The following NTRK3 variants were observed in gnomAD, a reference collection of about 807,000 sequenced individuals.
NTRK3 encodes the protein neurotrophic receptor tyrosine kinase 3, also known as NT-3 growth factor receptor.
In NTRK3, 24 loss-of-function variants were observed where a neutral mutation model predicts 91.7. That is an observed-to-expected ratio of 0.26 (90% CI 0.19 to 0.37). The LOEUF (loss-of-function observed/expected upper bound fraction) is 0.37, where lower values mean the gene tolerates loss of function less well. NTRK3 is among the 10% of genes least tolerant of loss of function. NTRK3 has a pLI of 1.00. For missense variants in NTRK3, 880 were observed against 1,068.9 expected (o/e 0.82, Z 2.46); for synonymous variants, 483 against 404.0 (o/e 1.20, Z -2.34).
exon 2 of NTRK3, chr15:88,256,423 CG>C: frequency 1.8e-6 from 1 of 541,696 alleles, no homozygotes; most frequent in Non-Finnish European, 3.2e-6. Context: ...GTGGCCGGCT[CG>C]GCGATCGCTG....
At chr15:87,899,993 A>G (rs920810456) in intron 17 of NTRK3, among the ~76,000 whole-genome samples, 2 of 152,224 alleles carry the variant, frequency 1.3e-5, no homozygotes, top group Non-Finnish European at 1.5e-5. Flanking sequence ...GAGTCATGAA[A>G]AAAGACCCTT....
chr15:87,918,009 T>C (rs2067572271), intron 17 of NTRK3, among the ~76,000 whole-genome samples: 1 of 151,732 alleles, frequency 6.6e-6, no homozygotes. Flanking sequence ...TTTTTTTTTG[T>C]TTTGTATTTG....
At position 87,931,689 on chromosome 15, in the gene NTRK3, T is replaced by G. The variant is rs1485433379; in HGVS notation, c.1889+1323A>C. Among the ~76,000 whole-genome samples the G allele has an allele frequency of 4.6e-5, 7 of 152,332 alleles. No individual in the cohort carries two copies. The East Asian group carries it at 1.4e-3, about 29-fold the overall frequency. On this transcript the variant is annotated intron_variant, in intron 16 of 18. Transcript: ENST00000394480. ...TAGAAGGCTTAGAACATCCCACAGA[T>G]GCTTTCATTTCCTTTAGGGCCATCT...
chr15:88,239,046 G>A (rs990568952), intron 3 of NTRK3, among the ~76,000 whole-genome samples: 3 of 152,222 alleles, frequency 2.0e-5, no homozygotes, highest in African/African-American at 7.2e-5. Context: ...CCTGAATACA[G>A]TGCTTAACAC....
chr15:88,234,875 T>A lies in NTRK3; in HGVS notation c.248+21031A>T, dbSNP rs1243666008. On this transcript the variant is annotated intron_variant, in intron 3 of 18. Coordinates refer to ENST00000394480, the Ensembl canonical transcript of NTRK3. The surrounding 1 kb of genome is among the most constrained non-coding windows in gnomAD (Gnocchi z 6.1). ...TCCCACTCCCACCAGCGCACCCTAC[T>A]CAGCCCTGCTCCCAGGGCCTCCTAT... 1.3e-5 allele frequency among the ~76,000 whole-genome samples: 2 copies of A among 152,102 alleles called. No individual in the cohort carries two copies.
rs188326289 is a variant in NTRK3, at chr15:87,898,354, T to C, written c.2134-17926A>G. Among the ~76,000 whole-genome samples the C allele has an allele frequency of 7.2e-5, 11 of 152,314 alleles. No individual in the cohort carries two copies. The East Asian group carries it at 1.4e-3, about 19-fold the overall frequency. On this transcript the variant is annotated intron_variant, in intron 17 of 18. Transcript: ENST00000394480. Reference sequence around the variant, plus strand: ...TAGGTTCAAGGCAGTTCCACCTAAGTTCTGGAAGCAGTTTAAAGGAGCTGC... The same window carrying C: ...TAGGTTCAAGGCAGTTCCACCTAAGCTCTGGAAGCAGTTTAAAGGAGCTGC...
intron 14 of NTRK3, among the ~76,000 whole-genome samples, chr15:87,986,615 C>T (rs542051755): frequency 8.7e-4 from 132 of 152,292 alleles, no homozygotes; most frequent in African/African-American, 3.0e-3. Flanking sequence ...ATGTAGCTCC[C>T]GTTCATTAAT....
chr15:88,073,851 G>A (rs1213744657), intron 13 of NTRK3, among the ~76,000 whole-genome samples: 1 of 152,042 alleles, frequency 6.6e-6, no homozygotes, highest in Non-Finnish European at 1.5e-5. Flanking sequence ...GTGTTCATGG[G>A]GGAAGACTGA....
chr15:88,076,176 T>C (rs2047526121), intron 13 of NTRK3, among the ~76,000 whole-genome samples: 1 of 152,126 alleles, frequency 6.6e-6, no homozygotes, highest in Admixed American at 6.5e-5. Context: ...AAGGCTAAGG[T>C]GGAAGCAAGA....
chr15:88,123,450 G>T (rs980451794), intron 13 of NTRK3, among the ~76,000 whole-genome samples: 1 of 152,178 alleles, frequency 6.6e-6, no homozygotes, highest in African/African-American at 2.4e-5. Context: ...TGTGATGCTC[G>T]CTGGCAATAA....
At chr15:88,242,824 C>T (rs2052487264) in intron 3 of NTRK3, among the ~76,000 whole-genome samples, 1 of 152,238 alleles carries the variant, frequency 6.6e-6, no homozygotes, top group African/African-American at 2.4e-5. Flanking sequence ...GGGCACCCCA[C>T]AGCCTAGGTA....
chr15:88,174,959 T>A (rs1567583815), intron 5 of NTRK3, among the ~76,000 whole-genome samples: 1 of 152,234 alleles, frequency 6.6e-6, no homozygotes, highest in Non-Finnish European at 1.5e-5. Context: ...TACTTCCTTA[T>A]ACTTAAATTA....
intron 13 of NTRK3, among the ~76,000 whole-genome samples, chr15:88,052,696 T>C (rs2045333789): frequency 6.6e-6 from 1 of 152,038 alleles, no homozygotes; most frequent in Admixed American, 6.5e-5. Context: ...CAATGAGAAA[T>C]GAGATGGAAA....
At chr15:87,933,245 C>A (rs2141959480) in intron 15 of NTRK3, 61 bp from the exon 16 acceptor site, 1 of 1,554,424 alleles carries the variant, frequency 6.4e-7, no homozygotes, top group Admixed American at 1.7e-5. Context: ...GTCTTTTCTA[C>A]TCCTGGAAAG....
intron 14 of NTRK3, among the ~76,000 whole-genome samples, chr15:87,983,090 G>A (rs2074434610): frequency 6.6e-6 from 1 of 152,154 alleles, no homozygotes; most frequent in South Asian, 2.1e-4. Flanking sequence ...AATACCAAAT[G>A]CAGTTCTATA....
intron 13 of NTRK3, among the ~76,000 whole-genome samples, chr15:88,105,517 T>C (rs1219544468): frequency 1.3e-5 from 2 of 152,190 alleles, no homozygotes; most frequent in African/African-American, 4.8e-5. Context: ...GGAGAAGAAC[T>C]GCATCTCCCT....
intron 3 of NTRK3, among the ~76,000 whole-genome samples, chr15:88,248,902 C>T (rs2053096373): frequency 1.3e-5 from 2 of 152,168 alleles, no homozygotes; most frequent in African/African-American, 4.8e-5. Context: ...TGACCCAGGG[C>T]ACTGAACTTC....
intron 5 of NTRK3, 35 bp downstream of exon 5, chr15:88,183,383 T>C (rs758489669): frequency 1.2e-6 from 2 of 1,607,516 alleles, no homozygotes; most frequent in Non-Finnish European, 8.5e-7. Context: ...GTACCTGCCA[T>C]GTGCCCCCAA....
At chr15:87,906,005 T>C (rs999625226) in intron 17 of NTRK3, among the ~76,000 whole-genome samples, 1 of 152,184 alleles carries the variant, frequency 6.6e-6, no homozygotes, top group Admixed American at 6.5e-5. Context: ...GATCCAGCCA[T>C]GCAAATCAGC....
Sources: gnomAD v4.1 joint callset for allele counts (sites outside exome capture counted in the v4.1 genomes callset) on GRCh38, gnomAD v4.1.1 for gene constraint, Gnocchi (gnomAD v3.1) non-coding constraint, MANE v1.5 for transcripts, NCBI Gene and HGNC (gene_info 2026-07-23, HGNC 2026-07-21) for gene names.